LRRTM4: variants seen among roughly 807,000 people sequenced by gnomAD.
The protein encoded by LRRTM4 is leucine rich repeat transmembrane neuronal 4.
A neutral mutation model predicts 47.6 loss-of-function variants in LRRTM4; 25 were observed. That is an observed-to-expected ratio of 0.53 (90% CI 0.38 to 0.73). The LOEUF (loss-of-function observed/expected upper bound fraction) is 0.73, where lower values mean the gene tolerates loss of function less well. Among genes scored for constraint, LRRTM4 ranks in the 30% least tolerant of loss-of-function variants. The pLI is 0.00. For missense variants in LRRTM4, 638 were observed against 713.4 expected (o/e 0.89, Z 1.20); for synonymous variants, 311 against 269.5 (o/e 1.15, Z -1.51).
At chr2:77,129,121 A>G (rs1572989871) in intron 3 of LRRTM4, among the ~76,000 whole-genome samples, 1 of 152,224 alleles carries the variant, frequency 6.6e-6, no homozygotes, top group Admixed American at 6.5e-5. Context: ...TTCCAGGCAA[A>G]TCTTTATATG....
At chr2:77,061,102 A>G (rs191252441) in intron 3 of LRRTM4, among the ~76,000 whole-genome samples, 1 of 148,064 alleles carries the variant, frequency 6.8e-6, no homozygotes, top group Admixed American at 6.6e-5. Context: ...ACAAGCCATT[A>G]GAGTTTTTTT....
intron 3 of LRRTM4, among the ~76,000 whole-genome samples, chr2:77,249,218 T>A (rs4322868): frequency 0.55 from 82,892 of 151,434 alleles, 23,040 homozygotes; most frequent in African/African-American, 0.6. Flanking sequence ...GGCTTGGTGG[T>A]GAGTGCCTGT....
At chr2:77,265,062 A>G (rs1273454391) in intron 3 of LRRTM4, among the ~76,000 whole-genome samples, 4 of 152,136 alleles carry the variant, frequency 2.6e-5, no homozygotes, top group Non-Finnish European at 5.9e-5. Flanking sequence ...CCTTAAACCA[A>G]AAGGGCGATC....
chr2:77,288,626 G>A (rs557496393), intron 3 of LRRTM4, among the ~76,000 whole-genome samples: 22 of 152,020 alleles, frequency 1.4e-4, no homozygotes, highest in Admixed American at 1.1e-3. Flanking sequence ...TCATAAGCAC[G>A]CATCCAGGCA....
chr2:76,907,191 A>G (rs1452605861), intron 3 of LRRTM4, among the ~76,000 whole-genome samples: 2 of 152,008 alleles, frequency 1.3e-5, no homozygotes, highest in African/African-American at 4.8e-5. Flanking sequence ...TAAGAAACTC[A>G]CTCAAAACTG....
intron 3 of LRRTM4, among the ~76,000 whole-genome samples, chr2:77,026,531 C>T (rs1678459759): frequency 6.6e-6 from 1 of 151,982 alleles, no homozygotes; most frequent in South Asian, 2.1e-4. Flanking sequence ...TGCATATTTA[C>T]AACAAAAGTA....
chr2:77,067,608 C>A (rs982647984), intron 3 of LRRTM4, among the ~76,000 whole-genome samples: 1 of 149,332 alleles, frequency 6.7e-6, no homozygotes, highest in Admixed American at 6.7e-5. Flanking sequence ...TTCCAGAACT[C>A]AGGAAAAAAA....
chr2:77,138,529 A>G (rs1672018718), intron 3 of LRRTM4, among the ~76,000 whole-genome samples: 1 of 152,238 alleles, frequency 6.6e-6, no homozygotes, highest in South Asian at 2.1e-4. Context: ...GGAAACATCT[A>G]AAATTGACAA....
chr2:77,383,244 G>A (rs1158898198), intron 3 of LRRTM4, among the ~76,000 whole-genome samples: 3 of 151,720 alleles, frequency 2.0e-5, no homozygotes. Flanking sequence ...TTTCAGATTG[G>A]GTACCATGTT....
intron 3 of LRRTM4, among the ~76,000 whole-genome samples, chr2:77,089,733 C>A (rs183330370): frequency 6.6e-6 from 1 of 152,060 alleles, no homozygotes; most frequent in Non-Finnish European, 1.5e-5. Context: ...AACCTAAATG[C>A]CTTATTTTCT....
At chr2:76,831,273 G>C (rs1288516058) in intron 3 of LRRTM4, among the ~76,000 whole-genome samples, 3 of 152,244 alleles carry the variant, frequency 2.0e-5, no homozygotes, top group South Asian at 2.1e-4. Context: ...TATAGACTTT[G>C]CAACTACAGG....
At chr2:77,223,323 A>G (rs1337840297) in intron 3 of LRRTM4, among the ~76,000 whole-genome samples, 1 of 152,014 alleles carries the variant, frequency 6.6e-6, no homozygotes, top group African/African-American at 2.4e-5. Context: ...CTCTCTCACC[A>G]CTCCTATTCA....
intron 3 of LRRTM4, among the ~76,000 whole-genome samples, chr2:76,940,171 C>A (rs1325893727): frequency 6.6e-6 from 1 of 151,990 alleles, no homozygotes; most frequent in African/African-American, 2.4e-5. Flanking sequence ...GTAATTCTAT[C>A]AAAAAGACAC....
chr2:77,492,839 A>G (rs1678219493), intron 3 of LRRTM4, among the ~76,000 whole-genome samples: 1 of 152,076 alleles, frequency 6.6e-6, no homozygotes, highest in Non-Finnish European at 1.5e-5. Context: ...ATGTATTGAA[A>G]ATTGTCCCCT....
intron 3 of LRRTM4, among the ~76,000 whole-genome samples, chr2:77,235,110 A>G (rs1675068265): frequency 6.6e-6 from 1 of 152,164 alleles, no homozygotes; most frequent in African/African-American, 2.4e-5. Context: ...TATGTACCAC[A>G]TTTTCTGTAT....
intron 3 of LRRTM4, among the ~76,000 whole-genome samples, chr2:77,146,074 G>T (rs1301918479): frequency 1.3e-5 from 2 of 151,930 alleles, no homozygotes; most frequent in South Asian, 4.1e-4. Context: ...CTCTGTTGAT[G>T]ATATATATTT....
At position 76,850,685 on chromosome 2, in the gene LRRTM4, G is replaced by A. The variant is rs187865819; in HGVS notation, c.1552-101769C>T. Among the ~76,000 whole-genome samples the A allele has an allele frequency of 1.9e-3, 283 of 152,218 alleles. 2 individuals are homozygous for A. The highest frequency in any genetic ancestry group is 1.2e-3 in the Non-Finnish European group (79 of 68,018). ...TTCCCCACCTCTGTTCATCTGAAGC[G>A]ACTATGTCACCATGCCATCTGATAT... On this transcript the variant is annotated intron_variant, in intron 3 of 3. Transcript: ENST00000409884.
intron 3 of LRRTM4, among the ~76,000 whole-genome samples, chr2:77,233,644 A>G (rs1014009837): frequency 2.0e-5 from 3 of 152,190 alleles, no homozygotes; most frequent in Non-Finnish European, 4.4e-5. Flanking sequence ...ATAACTTGCT[A>G]TATAGTTCAA....
rs201014056 is a variant in LRRTM4, at chr2:76,748,661, C to G, written c.*34G>C. On this transcript the variant is annotated 3_prime_UTR_variant, in exon 4 of 4. Transcript: ENST00000409884. ...TAAGATGAAGGCCCTCCCTCCCCCCCATGGAGCTCCCCAGTGAGGAGTTGG... is the reference window on the plus strand; with the variant it reads ...TAAGATGAAGGCCCTCCCTCCCCCCGATGGAGCTCCCCAGTGAGGAGTTGG... 156 of 1,455,512 alleles carry G rather than the reference C, an allele frequency of 1.1e-4. 2 individuals carry two copies. Among genetic ancestry groups the G allele is most frequent in the East Asian group, 4.8e-4 (21 of 43,918 alleles). 90.2% of individuals were successfully genotyped at this position (1,455,512 alleles called of 1,614,324 possible).
Sources: gnomAD v4.1 joint callset for allele counts (sites outside exome capture counted in the v4.1 genomes callset) on GRCh38, gnomAD v4.1.1 for gene constraint, MANE v1.5 for transcripts, NCBI Gene and HGNC (gene_info 2026-07-23, HGNC 2026-07-21) for gene names.